AQP3: variants seen among roughly 807,000 people sequenced by gnomAD.
AQP3 encodes the protein aquaporin 3 (Gill blood group).
Under a neutral mutation model 30.3 loss-of-function variants are expected in AQP3, and 15 were observed. The observed-to-expected ratio is 0.49, with a 90% CI of 0.33 to 0.76. AQP3 has a LOEUF of 0.76. AQP3 is among the 30% of genes least tolerant of loss of function. The pLI is 0.02. For missense variants in AQP3, 272 were observed against 384.8 expected, an observed-to-expected ratio of 0.71 and a Z score of 2.45; for synonymous variants, 153 against 163.2, an observed-to-expected ratio of 0.94 and a Z score of 0.47.
chr9:33,443,533 T>C lies in AQP3; in HGVS notation c.236-75A>G, dbSNP rs995119370. On this transcript the variant is annotated intron_variant, in intron 2 of 5. Coordinates refer to ENST00000297991, the MANE Select transcript of AQP3 (RefSeq NM_004925.5). This position sits in a 1 kb window ranked among gnomAD's most constrained non-coding sequence, Gnocchi z 5.0. ...CAGGCTAGGGTCCCCTGAGAAGGGG[T>C]GCAGAGAGGGGTTTCTTGCACAGGA... 6.4e-7 allele frequency: 1 copy of C among 1,557,182 alleles called. No individual in the cohort carries two copies. The highest frequency in any genetic ancestry group is 8.7e-7 in the Non-Finnish European group (1 of 1,145,956).
rs1019831032 is a variant in AQP3 at position 33,443,565 on chromosome 9, T to C, written c.236-107A>G. On this transcript the variant is annotated intron_variant, in intron 2 of 5. Coordinates refer to ENST00000297991, the MANE Select transcript of AQP3 (RefSeq NM_004925.5). This position sits in a 1 kb window ranked among gnomAD's most constrained non-coding sequence, Gnocchi z 5.0. ...AGGGGTTTCTTGCACAGGATGGCGG[T>C]TGGTCTATGTAACAGGTCAGCTGAT... is the stretch of plus-strand genomic sequence containing the variant. 1.3e-6 allele frequency: 2 copies of C among 1,489,074 alleles called. No individual in the cohort carries two copies. The highest frequency in any genetic ancestry group is 2.0e-5 in the Admixed American group (1 of 50,798). 92.2% of individuals were successfully genotyped at this position (1,489,074 alleles called of 1,614,324 possible).
chr9:33,442,727 G>A (rs1451381437), intron 4 of AQP3, 125 bp downstream of exon 4: 23 of 1,127,960 alleles, frequency 2.0e-5, no homozygotes, highest in Non-Finnish European at 2.4e-5. Flanking sequence ...GTTCTGATGC[G>A]GGTTACCCCA....
rs200985309 is a variant in AQP3 at position 33,441,908 on chromosome 9, G to A, written c.*135C>T. On this transcript the variant is annotated 3_prime_UTR_variant, in exon 6 of 6. Coordinates refer to ENST00000297991, the MANE Select transcript of AQP3 (RefSeq NM_004925.5). ...GTGGAAATCCTGAAGGGGCTGTCTC[G>A]TGGGGTGAGGGTAGATAGGGAGCTC... 407 of 1,365,096 alleles carry A rather than the reference G, an allele frequency of 3.0e-4. No individual in the cohort carries two copies. Among genetic ancestry groups the A allele is most frequent in the Middle Eastern group, 2.2e-3 (12 of 5,392 alleles). The allele number at this position is 1,365,096 out of a possible 1,614,324, so 84.6% of individuals were successfully genotyped here.
intron 5 of AQP3, 32 bp from the exon 6 acceptor site, chr9:33,442,243 T>C (rs1826846937): frequency 1.2e-6 from 2 of 1,603,718 alleles, no homozygotes; most frequent in African/African-American, 1.4e-5. Flanking sequence ...GTCAGGGACA[T>C]GGGGGGCAGG....
At chr9:33,447,337 G>T in intron 1 of AQP3, 86 bp downstream of exon 1, 2 of 1,254,764 alleles carry the variant, frequency 1.6e-6, no homozygotes, top group Non-Finnish European at 2.3e-6. Flanking sequence ...AGGCTACCTT[G>T]GAAAACACAG....
At position 33,443,517 on chromosome 9, in the gene AQP3, G is replaced by A; in HGVS notation, c.236-59C>T. ...AGCCTGCCACAGTCGGCAGGCTAGG[G>A]TCCCCTGAGAAGGGGTGCAGAGAGG... On this transcript the variant is annotated intron_variant, in intron 2 of 5. Coordinates refer to ENST00000297991, the MANE Select transcript of AQP3 (RefSeq NM_004925.5). The surrounding 1 kb of genome is among the most constrained non-coding windows in gnomAD (Gnocchi z 5.0). 6.3e-7 allele frequency: 1 copy of A among 1,586,412 alleles called. No individual in the cohort carries two copies. The highest frequency in any genetic ancestry group is 8.6e-7 in the Non-Finnish European group (1 of 1,166,196).
In AQP3 at chr9:33,443,555, A is replaced by T; in HGVS notation, c.236-97T>A. 6.6e-7 allele frequency: 1 copy of T among 1,511,678 alleles called. No homozygotes were observed. The highest frequency in any genetic ancestry group is 1.2e-5 in the South Asian group (1 of 84,160). 93.6% of individuals were successfully genotyped at this position (1,511,678 alleles called of 1,614,324 possible). A position where few individuals can be genotyped will look rare whatever the true frequency, so the allele number is the denominator to read the frequency against. On this transcript the variant is annotated intron_variant, in intron 2 of 5. Coordinates refer to ENST00000297991, the MANE Select transcript of AQP3 (RefSeq NM_004925.5). This position sits in a 1 kb window ranked among gnomAD's most constrained non-coding sequence, Gnocchi z 5.0. ...GGGTGCAGAGAGGGGTTTCTTGCAC[A>T]GGATGGCGGTTGGTCTATGTAACAG...
intron 1 of AQP3, among the ~76,000 whole-genome samples, chr9:33,444,767 C>T (rs750526380): frequency 8.6e-5 from 13 of 152,024 alleles, no homozygotes; most frequent in Non-Finnish European, 1.6e-4. Flanking sequence ...TCAACAACCT[C>T]CCCTTCCTTT....
chr9:33,442,963 G>A lies in AQP3; in HGVS notation c.381C>T (p.Ile127=). 1.2e-6 allele frequency: 2 copies of A among 1,613,968 alleles called. No homozygotes were observed. The highest frequency in any genetic ancestry group is 1.7e-6 in the Non-Finnish European group (2 of 1,179,794). Residue 127 remains isoleucine (I), a synonymous_variant, in exon 4 of 6, where the codon ATC becomes ATT. Coordinates refer to ENST00000297991, the MANE Select transcript of AQP3 (RefSeq NM_004925.5). ...AAAGCTGGTTGTCGGCGAAGTGCCA[G>A]ATTGCATCTGGTGACAGATTAGACA... ...GIVFGLYYDA[I]WHFADNQLFV...
At chr9:33,446,584 CAG>C (rs1386197703) in intron 1 of AQP3, among the ~76,000 whole-genome samples, 1 of 152,186 alleles carries the variant, frequency 6.6e-6, no homozygotes, top group Non-Finnish European at 1.5e-5. Context: ...GAAGTGCAAA[CAG>C]AGTCACTCAG....
chr9:33,442,685 G>A (rs1396628877), intron 4 of AQP3, 167 bp from the exon 5 acceptor site: 2 of 1,059,020 alleles, frequency 1.9e-6, no homozygotes, highest in East Asian at 2.4e-5. Flanking sequence ...ACCCGCTGGA[G>A]AGCCGCATGT....
rs1470287073 is a variant in AQP3 at position 33,441,714 on chromosome 9, C to CA, written c.*328dup. On this transcript the variant is annotated 3_prime_UTR_variant, in exon 6 of 6. Coordinates refer to ENST00000297991, the MANE Select transcript of AQP3 (RefSeq NM_004925.5). ...CCTGAATATCTGGGAACCCCCCCCA[C>CA]ACACACACACCCCTGCACACACATG... The CA allele has an allele frequency of 1.2e-5, 5 of 402,288 alleles. No homozygotes were observed. The highest frequency in any genetic ancestry group is 6.8e-5 in the African/African-American group (3 of 44,014). 24.9% of individuals were successfully genotyped at this position (402,288 alleles called of 1,614,324 possible).
At chr9:33,442,274 G>A (rs2231235) in intron 5 of AQP3, 27 bp downstream of exon 5, 96,939 of 1,611,024 alleles carry the variant, frequency 0.06, 3,269 homozygotes, top group Middle Eastern at 0.11. Context: ...GGCAGGCTGG[G>A]GTGAGCTGGG....
chr9:33,446,461 T>G (rs1159535120), intron 1 of AQP3, among the ~76,000 whole-genome samples: 1 of 152,218 alleles, frequency 6.6e-6, no homozygotes, highest in Non-Finnish European at 1.5e-5. Context: ...ACCCACTCAC[T>G]GCAATGTAGC....
rs1206904706 is a variant in AQP3, at chr9:33,441,656, A to G, written c.*387T>C. On this transcript the variant is annotated 3_prime_UTR_variant, in exon 6 of 6. Coordinates refer to ENST00000297991, the MANE Select transcript of AQP3 (RefSeq NM_004925.5). ...CCTTCCCCTGTCTCTGGGCTCCCCC[A>G]ATAGCCAGAATCCCTTCCGACTGGT... 2 of 392,362 alleles carry G rather than the reference A, an allele frequency of 5.1e-6. No homozygotes were observed. Among genetic ancestry groups the G allele is most frequent in the African/African-American group, 4.1e-5 (2 of 49,080 alleles). The allele number at this position is 392,362 out of a possible 1,614,324, so 24.3% of individuals were successfully genotyped here.
rs779072646 is a variant in AQP3 at position 33,447,414 on chromosome 9, T to A, written c.108+9A>T. On this transcript the variant is annotated intron_variant, in intron 1 of 5. Transcript: ENST00000297991. ...AGAGAGAAGGGCTTCCCCGGCTCCC[T>A]CCACTCACCACCAGGATGAGGGTCC... is the stretch of plus-strand genomic sequence containing the variant. 5 of 1,589,486 alleles carry A rather than the reference T, an allele frequency of 3.1e-6. No individual in the cohort carries two copies. The highest frequency in any genetic ancestry group is 4.3e-6 in the Non-Finnish European group (5 of 1,167,086).
chr9:33,442,888 A>C lies in AQP3; in HGVS notation c.456T>G (p.Ser152=). ...GTAGIFATYP[S]GHLDMINGFF... is the part of the protein sequence containing the mutation. ...AGCCATTGATCATATCCAAGTGTCC[A>C]GAGGGGTAGGTAGCAAAGATGCCGG... The change falls in exon 4 of 6, where the codon TCT becomes TCG. Residue 152 remains serine, a synonymous_variant. Transcript: ENST00000297991. 1 of 1,614,234 alleles carries C rather than the reference A, an allele frequency of 6.2e-7. No individual in the cohort carries two copies. The highest frequency in any genetic ancestry group is 8.5e-7 in the Non-Finnish European group (1 of 1,180,036).
intron 1 of AQP3, among the ~76,000 whole-genome samples, chr9:33,445,532 G>A (rs1263065665): frequency 3.3e-5 from 5 of 152,196 alleles, no homozygotes; most frequent in Non-Finnish European, 7.3e-5. Flanking sequence ...AGACAGGCAC[G>A]TGAGGGTCTG....
In AQP3 at chr9:33,441,852, G is replaced by T; in HGVS notation, c.*191C>A. On this transcript the variant is annotated 3_prime_UTR_variant, in exon 6 of 6. Transcript: ENST00000297991. ...CCGGTTCCACCCCAGCTTAGGGGCA[G>T]TGGCCTAAGGTGCTATTTGGGCAAG... is the stretch of plus-strand genomic sequence containing the variant. 2.3e-6 allele frequency: 2 copies of T among 888,056 alleles called. No homozygotes were observed. Among genetic ancestry groups the T allele is most frequent in the Non-Finnish European group, 3.5e-6 (2 of 575,802 alleles). The allele number at this position is 888,056 out of a possible 1,614,324, so 55.0% of individuals were successfully genotyped here. A position where few individuals can be genotyped will look rare whatever the true frequency, so the allele number is the denominator to read the frequency against.
Sources: gnomAD v4.1 joint callset for allele counts (sites outside exome capture counted in the v4.1 genomes callset) on GRCh38, gnomAD v4.1.1 for gene constraint, Gnocchi (gnomAD v3.1) non-coding constraint, MANE v1.5 for transcripts, NCBI Gene and HGNC (gene_info 2026-07-23, HGNC 2026-07-21) for gene names.